The following ST3GAL1 variants were observed in gnomAD, a reference collection of about 807,000 sequenced individuals.
ST3GAL1 encodes the protein CMP-N-acetylneuraminate-beta-galactosamide-alpha-2,3-sialyltransferase 1.
In ST3GAL1, 16 loss-of-function variants were observed where a neutral mutation model predicts 34.1. The ratio of observed to expected loss-of-function variants is 0.47; its 90% confidence interval spans 0.32 to 0.71. The LOEUF (loss-of-function observed/expected upper bound fraction) is 0.71, where lower values mean the gene tolerates loss of function less well. ST3GAL1 is among the 30% of genes least tolerant of loss of function. ST3GAL1 has a pLI of 0.04. For missense variants in ST3GAL1, 353 were observed against 447.4 expected (o/e 0.79, Z 1.90); for synonymous variants, 191 against 184.7 (o/e 1.03, Z -0.28).
chr8:133,510,357 G>A (rs1817469753), intron 2 of ST3GAL1, among the ~76,000 whole-genome samples: 1 of 152,162 alleles, frequency 6.6e-6, no homozygotes, highest in Non-Finnish European at 1.5e-5. Context: ...CTCACATCAT[G>A]TGAAACACAG....
At position 133,485,910 on chromosome 8, in the gene ST3GAL1, G is replaced by A. The variant is rs1407960163; in HGVS notation, c.-373-9310C>T. Among the ~76,000 whole-genome samples the A allele has an allele frequency of 2.6e-5, 4 of 152,176 alleles. No individual in the cohort carries two copies. In the East Asian group the frequency reaches 5.8e-4, roughly 22 times the overall value. ...GCCTCAAGTTCCTCATCCATAAAGC[G>A]GGGGTTAAAAACCATCCCTACTTGA... On this transcript the variant is annotated intron_variant, in intron 3 of 9. Transcript: ENST00000522652.
intron 1 of ST3GAL1, among the ~76,000 whole-genome samples, chr8:133,567,924 CTTTTT>C (rs34290746): frequency 1.4e-5 from 2 of 146,430 alleles, no homozygotes; most frequent in Non-Finnish European, 3.0e-5. Flanking sequence ...GCCTTGCTCT[CTTTTT>C]TTTTTTTTTT....
chr8:133,530,291 T>TA (rs33946418), intron 2 of ST3GAL1, among the ~76,000 whole-genome samples: 886 of 59,922 alleles, frequency 0.015, 3 homozygotes, highest in South Asian at 0.026. Flanking sequence ...TTTTTATTTT[T>TA]TTTTTTTGAG....
At position 133,461,137 on chromosome 8, in the gene ST3GAL1, C is replaced by G. The variant is rs904306371; in HGVS notation, c.849+738G>C. Among the ~76,000 whole-genome samples, 3 of 151,968 alleles carry G rather than the reference C, an allele frequency of 2.0e-5. No homozygotes were observed. Among genetic ancestry groups the G allele is most frequent in the African/African-American group, 7.2e-5 (3 of 41,390 alleles). On this transcript the variant is annotated intron_variant, in intron 9 of 9. Coordinates refer to ENST00000522652, the MANE Select transcript of ST3GAL1 (RefSeq NM_173344.3). This position sits in a 1 kb window ranked among gnomAD's most constrained non-coding sequence, Gnocchi z 4.7. ...CTGGGAACACCAGGGTGGGGCTGAG[C>G]CTGGGGACCTGCCTTGCAATGCCTC...
intron 1 of ST3GAL1, 106 bp from the exon 2 acceptor site, chr8:133,546,032 C>T (rs1316269872): frequency 2.0e-5 from 3 of 152,332 alleles, no homozygotes; most frequent in Non-Finnish European, 4.4e-5. Flanking sequence ...CCACTTATTC[C>T]ACTCACTCAC....
intron 2 of ST3GAL1, among the ~76,000 whole-genome samples, chr8:133,510,087 G>A (rs1334067766): frequency 1.3e-5 from 2 of 151,484 alleles, no homozygotes; most frequent in Non-Finnish European, 2.9e-5. Flanking sequence ...AAATAGCAAT[G>A]GAGAATGGCT....
At chr8:133,538,168 TG>T (rs992573400) in intron 2 of ST3GAL1, among the ~76,000 whole-genome samples, 3 of 152,238 alleles carry the variant, frequency 2.0e-5, no homozygotes, top group African/African-American at 7.2e-5. Flanking sequence ...ACCATGTTTT[TG>T]TTTTTTGCTG....
chr8:133,529,864 C>T (rs935721428), intron 2 of ST3GAL1, among the ~76,000 whole-genome samples: 2 of 152,312 alleles, frequency 1.3e-5, no homozygotes, highest in Non-Finnish European at 2.9e-5. Context: ...CAAGTCTCTG[C>T]TCATCTTTCT....
At chr8:133,513,700 T>C (rs542304840) in intron 2 of ST3GAL1, among the ~76,000 whole-genome samples, 10 of 152,078 alleles carry the variant, frequency 6.6e-5, no homozygotes, top group African/African-American at 1.9e-4. Context: ...TCAAGACCAG[T>C]CTAGCCAACA....
chr8:133,531,211 T>C (rs908206904), intron 2 of ST3GAL1, among the ~76,000 whole-genome samples: 6 of 151,676 alleles, frequency 4.0e-5, no homozygotes, highest in Admixed American at 2.0e-4. Flanking sequence ...GGTTTTAGTA[T>C]ATGTAATATA....
intron 3 of ST3GAL1, among the ~76,000 whole-genome samples, chr8:133,498,010 G>T (rs118046232): frequency 0.017 from 2,615 of 152,286 alleles, 29 homozygotes; most frequent in Middle Eastern, 0.031. Flanking sequence ...AATCCATATG[G>T]CTTGCTCACT....
intron 2 of ST3GAL1, among the ~76,000 whole-genome samples, chr8:133,525,462 C>T (rs958864705): frequency 6.6e-6 from 1 of 152,198 alleles, no homozygotes; most frequent in South Asian, 2.1e-4. Flanking sequence ...AGGCCATGGA[C>T]TCCCCCTGGA....
chr8:133,480,650 A>G (rs1002703444), intron 3 of ST3GAL1, among the ~76,000 whole-genome samples: 1 of 152,236 alleles, frequency 6.6e-6, no homozygotes, highest in African/African-American at 2.4e-5. Context: ...ATGAAAAACT[A>G]AAACCCAGAG....
chr8:133,476,252 T>C, intron 4 of ST3GAL1, 26 bp downstream of exon 4: 1 of 470,920 alleles, frequency 2.1e-6, no homozygotes, highest in East Asian at 3.4e-5. Context: ...ATTCGTGGCA[T>C]GTTGGCTTTG....
chr8:133,482,226 G>A (rs1816420580), intron 3 of ST3GAL1, among the ~76,000 whole-genome samples: 1 of 152,068 alleles, frequency 6.6e-6, no homozygotes, highest in Non-Finnish European at 1.5e-5. Flanking sequence ...TCAAAGAGCT[G>A]GATTTCAAGT....
chr8:133,551,614 G>GAAAGAAAGAA (rs1554619966), intron 1 of ST3GAL1, among the ~76,000 whole-genome samples: 6 of 142,300 alleles, frequency 4.2e-5, no homozygotes, highest in Admixed American at 1.5e-4. Context: ...AAGAAAGAAA[G>GAAAGAAAGAA]AAAGAGCGAG....
chr8:133,529,357 T>C (rs1818075834), intron 2 of ST3GAL1, among the ~76,000 whole-genome samples: 1 of 152,154 alleles, frequency 6.6e-6, no homozygotes, highest in Admixed American at 6.5e-5. Flanking sequence ...TGGGAGCTTA[T>C]AGGTCGAAGG....
At position 133,508,091 on chromosome 8, in the gene ST3GAL1, T is replaced by C. The variant is rs1241386959; in HGVS notation, c.-428-8902A>G. Among the ~76,000 whole-genome samples the C allele has an allele frequency of 1.3e-5, 2 of 152,086 alleles. No individual in the cohort carries two copies. The highest frequency in any genetic ancestry group is 4.8e-5 in the African/African-American group (2 of 41,392). Reference sequence around the variant, plus strand: ...ACACAGGGTTGGCCTCCTTTACCTTTTCCTTCAGTTTCCCCCACTGATGGT... The same window carrying C: ...ACACAGGGTTGGCCTCCTTTACCTTCTCCTTCAGTTTCCCCCACTGATGGT... On this transcript the variant is annotated intron_variant, in intron 2 of 9. Coordinates refer to ENST00000522652, the MANE Select transcript of ST3GAL1 (RefSeq NM_173344.3). This position sits in a 1 kb window ranked among gnomAD's most constrained non-coding sequence, Gnocchi z 4.1.
chr8:133,465,746 G>C (rs1394181238), intron 6 of ST3GAL1, 148 bp downstream of exon 6: 1 of 775,672 alleles, frequency 1.3e-6, no homozygotes, highest in African/African-American at 1.8e-5. Flanking sequence ...TGAGGCCCAG[G>C]GGGTGCAGTG....
Sources: allele counts gnomAD v4.1 joint callset (sites outside exome capture counted in the v4.1 genomes callset), GRCh38; gene constraint gnomAD v4.1.1; non-coding constraint Gnocchi (gnomAD v3.1); transcripts MANE v1.5; gene names NCBI Gene and HGNC (gene_info 2026-07-23, HGNC 2026-07-21).